The following GK5 variants were observed in gnomAD, a reference collection of about 807,000 sequenced individuals.
GK5 encodes the protein ATP:glycerol 3-phosphotransferase 5.
In GK5, 39 loss-of-function variants were observed where a neutral mutation model predicts 77.3. That is an observed-to-expected ratio of 0.50 (90% CI 0.39 to 0.66). GK5 has a LOEUF of 0.66. Ranked by LOEUF, GK5 falls within the 30% of genes least tolerant of loss-of-function variation. The probability of loss-of-function intolerance (pLI) is 0.00; values close to 1 mark genes in which losing one functional copy is unlikely to be tolerated. For synonymous variants in GK5, 211 were observed against 208.0 expected, an observed-to-expected ratio of 1.01 and a Z score of -0.13; for missense variants, 487 against 633.8, an observed-to-expected ratio of 0.77 and a Z score of 2.49.
At chr3:142,202,739 G>A (rs751380676) in intron 4 of GK5, among the ~76,000 whole-genome samples, 11 of 152,062 alleles carry the variant, frequency 7.2e-5, no homozygotes, top group African/African-American at 1.7e-4. Context: ...GGCGGATCAC[G>A]TGAGGCTAGG....
At chr3:142,173,953 C>T (rs1366726947) in intron 12 of GK5, among the ~76,000 whole-genome samples, 1 of 152,180 alleles carries the variant, frequency 6.6e-6, no homozygotes, top group Non-Finnish European at 1.5e-5. Flanking sequence ...TTACTCCCTT[C>T]CAAATCTTGG....
intron 1 of GK5, among the ~76,000 whole-genome samples, chr3:142,219,850 T>C (rs1485580181): frequency 1.3e-5 from 2 of 152,142 alleles, no homozygotes; most frequent in Non-Finnish European, 2.9e-5. Flanking sequence ...ACACCTGTAG[T>C]TCCAGCTACT....
intron 1 of GK5, among the ~76,000 whole-genome samples, chr3:142,222,547 G>C (rs1157221581): frequency 6.6e-6 from 1 of 151,454 alleles, no homozygotes; most frequent in African/African-American, 2.4e-5. Context: ...CTGGGCGACA[G>C]AGCGAGACTC....
At chr3:142,199,001 A>G in intron 4 of GK5, 68 bp from the exon 5 acceptor site, 1 of 1,144,126 alleles carries the variant, frequency 8.7e-7, no homozygotes, top group Non-Finnish European at 1.2e-6. Flanking sequence ...CATCAATTCT[A>G]TATACATGCA....
At chr3:142,188,078 A>G (rs2063798158) in intron 5 of GK5, among the ~76,000 whole-genome samples, 1 of 152,070 alleles carries the variant, frequency 6.6e-6, no homozygotes. Flanking sequence ...TAAAAAAAAC[A>G]AAGTATATAC....
At chr3:142,193,490 A>C (rs909118371) in intron 5 of GK5, among the ~76,000 whole-genome samples, 17 of 151,582 alleles carry the variant, frequency 1.1e-4, no homozygotes, top group African/African-American at 3.6e-4. Flanking sequence ...CTACAAAAAA[A>C]AAAAAACAAA....
At chr3:142,171,316 G>A in intron 14 of GK5, 103 bp downstream of exon 14, 1 of 1,016,888 alleles carries the variant, frequency 9.8e-7, no homozygotes, top group Non-Finnish European at 1.3e-6. Context: ...TAATCATAAA[G>A]ATGAATTATT....
At chr3:142,186,034 A>G (rs776922129) in intron 8 of GK5, 45 bp from the exon 9 acceptor site, 19 of 1,468,394 alleles carry the variant, frequency 1.3e-5, no homozygotes, top group Non-Finnish European at 1.8e-5. Flanking sequence ...CTCTAGAAAT[A>G]TTAGTTTTAA....
In GK5 at chr3:142,161,620, T is replaced by C. The variant is rs1303370845; in HGVS notation, c.*4002A>G. 5 of 152,138 alleles carry C rather than the reference T, an allele frequency of 3.3e-5. No individual in the cohort carries two copies. The highest frequency in any genetic ancestry group is 1.2e-4 in the African/African-American group (5 of 41,428). 9.4% of individuals were successfully genotyped at this position (152,138 alleles called of 1,614,324 possible). A position where few individuals can be genotyped will look rare whatever the true frequency, so the allele number is the denominator to read the frequency against. The stretch of plus-strand genomic sequence containing the variant: ...ACAGAAGGCAGATTAAAGAGAATGA[T>C]GATCTCCTTTGTTCAGAGATAAAAA... On this transcript the variant is annotated 3_prime_UTR_variant, in exon 16 of 16. Transcript: ENST00000392993.
intron 12 of GK5, 67 bp downstream of exon 12, chr3:142,177,415 T>C (rs1358785638): frequency 1.2e-5 from 10 of 852,206 alleles, no homozygotes; most frequent in South Asian, 6.0e-5. Context: ...ATGGTAGATA[T>C]ATAAGTTTGG....
intron 5 of GK5, among the ~76,000 whole-genome samples, chr3:142,190,179 AAGAC>A (rs1160167006): frequency 1.3e-5 from 2 of 152,198 alleles, no homozygotes; most frequent in Non-Finnish European, 2.9e-5. Flanking sequence ...AATAGATTGG[AAGAC>A]AGGTTGGAAT....
chr3:142,223,593 C>T (rs192266714), intron 1 of GK5, among the ~76,000 whole-genome samples: 4 of 152,364 alleles, frequency 2.6e-5, no homozygotes, highest in Non-Finnish European at 4.4e-5. Flanking sequence ...AATCCCAGTG[C>T]TCTGGGAGGC....
chr3:142,209,742 TA>T (rs1317227175), intron 3 of GK5, among the ~76,000 whole-genome samples: 2 of 152,200 alleles, frequency 1.3e-5, no homozygotes, highest in Admixed American at 1.3e-4. Flanking sequence ...AATGAGATTG[TA>T]AATTAGGGCT....
At position 142,164,070 on chromosome 3, in the gene GK5, T is replaced by C. The variant is rs538621034; in HGVS notation, c.*1552A>G. The stretch of plus-strand genomic sequence containing the variant: ...TTAATATTTCCAAATATTAATTAGA[T>C]TTAATAATACTATATATTTGTTACA... On this transcript the variant is annotated 3_prime_UTR_variant, in exon 16 of 16. Coordinates refer to ENST00000392993, the MANE Select transcript of GK5 (RefSeq NM_001039547.3). 1 of 152,230 alleles carries C rather than the reference T, an allele frequency of 6.6e-6. No individual in the cohort carries two copies. Among genetic ancestry groups the C allele is most frequent in the African/African-American group, 2.4e-5 (1 of 41,570 alleles). The allele number at this position is 152,230 out of a possible 1,614,324, so 9.4% of individuals were successfully genotyped here. A position where few individuals can be genotyped will look rare whatever the true frequency, so the allele number is the denominator to read the frequency against.
Position 142,170,390 on chromosome 3 carries a change from A to G in GK5, c.1376T>C (p.Ile459Thr). ...CATGTCAATGTCGGCAGGTCTGTCT[A>G]TATTCTCATTAATCAGGTCTGAAGT... Reference protein sequence around the residue: ...QMTSDLINENIDRPADIDMSC... With the variant: ...QMTSDLINENTDRPADIDMSC... The change falls in exon 15 of 16, where the codon ATA becomes ACA. Residue 459 changes from isoleucine to threonine, a missense_variant. Coordinates refer to ENST00000392993, the MANE Select transcript of GK5 (RefSeq NM_001039547.3). 1 of 1,614,000 alleles carries G rather than the reference A, an allele frequency of 6.2e-7. No homozygotes were observed. Among genetic ancestry groups the G allele is most frequent in the Non-Finnish European group, 8.5e-7 (1 of 1,179,904 alleles).
In GK5 at chr3:142,220,326, G is replaced by A. The variant is rs573088506; in HGVS notation, c.148-4634C>T. 5.3e-5 allele frequency among the ~76,000 whole-genome samples: 8 copies of A among 152,176 alleles called. No individual in the cohort carries two copies. In the South Asian group the frequency reaches 1.5e-3, roughly 28 times the overall value. On this transcript the variant is annotated intron_variant, in intron 1 of 15. Coordinates refer to ENST00000392993, the MANE Select transcript of GK5 (RefSeq NM_001039547.3). Reference sequence around the variant, plus strand: ...AATTTTTTGTATTTTTAGTAGAGACGGGGTTTCACTGTGTTAGCCAGGATG... The same window carrying A: ...AATTTTTTGTATTTTTAGTAGAGACAGGGTTTCACTGTGTTAGCCAGGATG...
chr3:142,168,588 G>A (rs1050417321), intron 15 of GK5, among the ~76,000 whole-genome samples: 1 of 152,052 alleles, frequency 6.6e-6, no homozygotes, highest in Non-Finnish European at 1.5e-5. Context: ...AAAATACTCT[G>A]AGTATCCTAA....
At position 142,183,001 on chromosome 3, in the gene GK5, C is replaced by T. The variant is rs781375389; in HGVS notation, c.865G>A (p.Gly289Ser). 6.2e-7 allele frequency: 1 copy of T among 1,613,308 alleles called. No homozygotes were observed. Among genetic ancestry groups the T allele is most frequent in the Non-Finnish European group, 8.5e-7 (1 of 1,179,270 alleles). ...GTTCCCATGGTTAATTTCACATCAC[C>T]TGTCTGGAAGCAGCACTCTCCAAAC... Reference protein sequence around the residue: ...AMFGECCFQTGDVKLTMGTGT... With the variant: ...AMFGECCFQTSDVKLTMGTGT... Residue 289 changes from glycine (G) to serine (S), a missense_variant, in exon 10 of 16, where the codon GGT becomes AGT. By Grantham distance (56) the Gly-to-Ser change is moderately conservative. Transcript: ENST00000392993.
At chr3:142,188,403 C>T (rs527942884) in intron 5 of GK5, among the ~76,000 whole-genome samples, 2 of 152,238 alleles carry the variant, frequency 1.3e-5, no homozygotes, top group East Asian at 3.9e-4. Flanking sequence ...GGCATGGTGG[C>T]GGGCACCTGT....
Sources: allele counts gnomAD v4.1 joint callset (sites outside exome capture counted in the v4.1 genomes callset), GRCh38; gene constraint gnomAD v4.1.1; transcripts MANE v1.5; gene names NCBI Gene and HGNC (gene_info 2026-07-23, HGNC 2026-07-21).